Variants in SHOC2 observed in about 807,000 individuals in gnomAD.
The protein encoded by SHOC2 is leucine-rich repeat protein SHOC-2.
SHOC2 carries 4 observed loss-of-function variants against 50.2 expected under a neutral mutation model. That is an observed-to-expected ratio of 0.08 (90% CI 0.04 to 0.18). The LOEUF is 0.18. Ranked by LOEUF, SHOC2 falls within the 10% of genes least tolerant of loss-of-function variation. SHOC2 has a pLI of 1.00. For synonymous variants in SHOC2, 218 were observed against 244.5 expected (o/e 0.89, Z 1.01); for missense variants, 388 against 669.6 (o/e 0.58, Z 4.64).
intron 1 of SHOC2, among the ~76,000 whole-genome samples, chr10:110,925,748 C>T (rs919488160): frequency 1.4e-4 from 22 of 152,206 alleles, no homozygotes; most frequent in African/African-American, 4.1e-4. Flanking sequence ...TGAACCACCA[C>T]GCCGGACCTT....
intron 3 of SHOC2, among the ~76,000 whole-genome samples, chr10:110,997,179 C>T (rs1848283377): frequency 6.6e-6 from 1 of 152,038 alleles, no homozygotes; most frequent in Admixed American, 6.6e-5. Flanking sequence ...GTCTAATATA[C>T]TATTAAAAAC....
intron 2 of SHOC2, among the ~76,000 whole-genome samples, chr10:110,975,207 G>C (rs1847853591): frequency 1.3e-5 from 2 of 151,184 alleles, no homozygotes; most frequent in South Asian, 4.2e-4. Flanking sequence ...CCAGGCTGGA[G>C]TGCAGTGGCG....
rs1846911715 is a variant in SHOC2 at position 110,932,317 on chromosome 10, T to A, written c.-235+12660T>A. On this transcript the variant is annotated intron_variant, in intron 1 of 8. Transcript: ENST00000369452. ...TTTAATCCTGAGGACTCCCCTCAGT[T>A]CTTTTAATTGGACATTAACCTGATT... Among the ~76,000 whole-genome samples, 3 of 152,186 alleles carry A rather than the reference T, an allele frequency of 2.0e-5. No individual in the cohort carries two copies. In the South Asian group the frequency reaches 6.2e-4, roughly 32 times the overall value.
intron 4 of SHOC2, among the ~76,000 whole-genome samples, chr10:111,003,490 G>C (rs1395862882): frequency 6.6e-6 from 1 of 152,014 alleles, no homozygotes; most frequent in Non-Finnish European, 1.5e-5. Flanking sequence ...CTTCCTACTA[G>C]GTATTGTTAA....
chr10:110,939,109 C>A (rs1847087655), intron 1 of SHOC2, among the ~76,000 whole-genome samples: 1 of 152,156 alleles, frequency 6.6e-6, no homozygotes, highest in East Asian at 1.9e-4. Context: ...ACTTATTTTT[C>A]AGTAAAAACT....
At chr10:110,926,688 G>A (rs1006199941) in intron 1 of SHOC2, among the ~76,000 whole-genome samples, 113 of 152,286 alleles carry the variant, frequency 7.4e-4, no homozygotes, top group African/African-American at 2.7e-3. Context: ...AGAAAATAAT[G>A]ATCTAGGATC....
intron 1 of SHOC2, among the ~76,000 whole-genome samples, chr10:110,942,086 G>A (rs56946887): frequency 0.1 from 15,507 of 152,080 alleles, 1,200 homozygotes; most frequent in East Asian, 0.24. Flanking sequence ...GTACTTTGAA[G>A]GGTTCTTTAC....
intron 1 of SHOC2, among the ~76,000 whole-genome samples, chr10:110,946,403 A>T (rs1847247327): frequency 6.7e-6 from 1 of 150,052 alleles, no homozygotes; most frequent in African/African-American, 2.5e-5. Context: ...TACAGCTGCA[A>T]ACCAAATAGT....
chr10:110,948,676 G>C (rs1219142990), intron 1 of SHOC2, among the ~76,000 whole-genome samples: 2 of 152,100 alleles, frequency 1.3e-5, no homozygotes. Context: ...GGTGTCTCGA[G>C]ACAAAAGACA....
intron 1 of SHOC2, among the ~76,000 whole-genome samples, chr10:110,932,259 C>G (rs1031596593): frequency 6.6e-6 from 1 of 152,134 alleles, no homozygotes; most frequent in Non-Finnish European, 1.5e-5. Flanking sequence ...GCTAGATCTT[C>G]AAGACATGTG....
At chr10:110,957,508 C>G (rs1462513197) in intron 1 of SHOC2, among the ~76,000 whole-genome samples, 1 of 151,622 alleles carries the variant, frequency 6.6e-6, no homozygotes, top group Non-Finnish European at 1.5e-5. Context: ...GCAGGAAGAA[C>G]ATCAGATTCT....
chr10:111,007,872 C>G (rs891527639), intron 6 of SHOC2, among the ~76,000 whole-genome samples: 4 of 151,928 alleles, frequency 2.6e-5, no homozygotes, highest in African/African-American at 9.7e-5. Context: ...AAGTTGGTGT[C>G]TTTGAGTGCC....
intron 3 of SHOC2, among the ~76,000 whole-genome samples, chr10:110,995,172 A>C (rs1258593367): frequency 6.6e-6 from 1 of 152,230 alleles, no homozygotes; most frequent in Non-Finnish European, 1.5e-5. Context: ...ATTAATGCCT[A>C]TTGTATGCTT....
chr10:111,004,155 A>G (rs1848428801), intron 4 of SHOC2, among the ~76,000 whole-genome samples: 1 of 152,160 alleles, frequency 6.6e-6, no homozygotes, highest in Non-Finnish European at 1.5e-5. Flanking sequence ...TAATTTAGAG[A>G]GAGGTATATG....
Position 111,013,486 on chromosome 10 carries a change from GAAA to G in SHOC2, c.*1669_*1671del, listed in dbSNP as rs1848606495. 1.3e-5 allele frequency: 2 copies of G among 152,014 alleles called. No homozygotes were observed. The highest frequency in any genetic ancestry group is 1.3e-4 in the Admixed American group (2 of 15,270). The allele number at this position is 152,014 out of a possible 1,614,324, so 9.4% of individuals were successfully genotyped here. A position where few individuals can be genotyped will look rare whatever the true frequency, so the allele number is the denominator to read the frequency against. On this transcript the variant is annotated 3_prime_UTR_variant, in exon 9 of 9. Transcript: ENST00000369452. ...GAGAGATTTTATAAGGATCAACTAAGAAATGGAAGGCAGGTGAAGATATAAAAC... is the reference window on the plus strand; with the variant it reads ...GAGAGATTTTATAAGGATCAACTAAGTGGAAGGCAGGTGAAGATATAAAAC...
intron 3 of SHOC2, among the ~76,000 whole-genome samples, chr10:110,997,482 G>A (rs1409300682): frequency 6.6e-6 from 1 of 151,812 alleles, no homozygotes; most frequent in African/African-American, 2.4e-5. Flanking sequence ...TTGCATGCCT[G>A]TTTCTTACGT....
intron 1 of SHOC2, among the ~76,000 whole-genome samples, chr10:110,943,747 T>C (rs979408679): frequency 2.0e-5 from 3 of 152,206 alleles, no homozygotes; most frequent in Admixed American, 6.5e-5. Flanking sequence ...GAGTAACTTG[T>C]GTTTGTCAAA....
intron 1 of SHOC2, among the ~76,000 whole-genome samples, chr10:110,929,176 A>G (rs1271592097): frequency 6.6e-6 from 1 of 152,170 alleles, no homozygotes; most frequent in African/African-American, 2.4e-5. Context: ...ATAATCTATA[A>G]ATAGTAGATT....
Position 111,011,664 on chromosome 10 carries a change from G to C in SHOC2, c.1595G>C (p.Ser532Thr), listed in dbSNP as rs370798940. Reference sequence around the variant, plus strand: ...TTGAATGACAACCCCAACCTGCATAGCCTTCCCTTTGAGCTGGCACTCTGC... The same window carrying C: ...TTGAATGACAACCCCAACCTGCATACCCTTCCCTTTGAGCTGGCACTCTGC... Reference protein sequence around the residue: ...LYLNDNPNLHSLPFELALCSK... With the variant: ...LYLNDNPNLHTLPFELALCSK... The change falls in exon 9 of 9, where the codon AGC becomes ACC. Residue 532 changes from serine (S) to threonine (T), a missense_variant. Around this residue, in one of 5 missense-constraint regions of SHOC2, gnomAD observed 130 missense variants for 208.6 expected, o/e 0.62. Coordinates refer to ENST00000369452, the MANE Select transcript of SHOC2 (RefSeq NM_007373.4). 3 of 1,613,730 alleles carry C rather than the reference G, an allele frequency of 1.9e-6. No individual in the cohort carries two copies. The African/African-American group carries it at 4.0e-5, about 22-fold the overall frequency.
Sources: allele counts gnomAD v4.1 joint callset (sites outside exome capture counted in the v4.1 genomes callset), GRCh38; gene constraint gnomAD v4.1.1; regional missense constraint gnomAD v4.1.1; transcripts MANE v1.5; gene names NCBI Gene and HGNC (gene_info 2026-07-23, HGNC 2026-07-21).